Variants in OSBPL10 observed in about 807,000 individuals in gnomAD.
The protein encoded by OSBPL10 is oxysterol-binding protein-related protein 10.
In OSBPL10, 49 loss-of-function variants were observed where a neutral mutation model predicts 81.7. That is an observed-to-expected ratio of 0.60 (90% confidence interval 0.48 to 0.76). OSBPL10 has a LOEUF of 0.76. Among genes scored for constraint, OSBPL10 ranks in the 30% least tolerant of loss-of-function variants. OSBPL10 has a pLI of 0.00. For synonymous variants in OSBPL10, 419 were observed against 383.6 expected, an observed-to-expected ratio of 1.09 and a Z score of -1.08; for missense variants, 923 against 987.8, an observed-to-expected ratio of 0.93 and a Z score of 0.88.
intron 4 of OSBPL10, among the ~76,000 whole-genome samples, chr3:31,783,742 G>T (rs1232418700): frequency 1.6e-5 from 2 of 126,194 alleles, no homozygotes; most frequent in African/African-American, 3.0e-5. Context: ...AGTGAGCTGA[G>T]ATCACACCAC....
At chr3:31,951,525 A>T (rs1697868974) in intron 1 of OSBPL10, among the ~76,000 whole-genome samples, 1 of 151,950 alleles carries the variant, frequency 6.6e-6, no homozygotes, top group Non-Finnish European at 1.5e-5. Context: ...TGGTTATATT[A>T]TCCTTCCTAG....
At chr3:31,774,710 A>C (rs1698499874) in intron 4 of OSBPL10, among the ~76,000 whole-genome samples, 2 of 151,128 alleles carry the variant, frequency 1.3e-5, no homozygotes, top group African/African-American at 2.4e-5. Flanking sequence ...ACAGTGTTTC[A>C]CCATGTTGTC....
In OSBPL10 at chr3:31,706,438, A is replaced by C. The variant is rs546083410; in HGVS notation, c.1096-3930T>G. ...AGCCTCTTGAGGACCAAAGGCTGAG[A>C]CCATGTGAGAGATGGGGTCTTGGGC... On this transcript the variant is annotated intron_variant, in intron 6 of 11. Coordinates refer to ENST00000396556, the MANE Select transcript of OSBPL10 (RefSeq NM_017784.5). Among the ~76,000 whole-genome samples the C allele has an allele frequency of 5.3e-5, 8 of 152,158 alleles. No individual in the cohort carries two copies. In the East Asian group the frequency reaches 1.5e-3, roughly 29 times the overall value.
At chr3:31,871,599 A>C (rs1032564907) in intron 3 of OSBPL10, among the ~76,000 whole-genome samples, 4 of 152,210 alleles carry the variant, frequency 2.6e-5, no homozygotes, top group African/African-American at 9.6e-5. Flanking sequence ...AGCCAGGCTC[A>C]GTGGCTCATG....
At chr3:31,685,288 C>T (rs1026760011) in intron 7 of OSBPL10, among the ~76,000 whole-genome samples, 1 of 152,150 alleles carries the variant, frequency 6.6e-6, no homozygotes, top group Non-Finnish European at 1.5e-5. Flanking sequence ...CTGCAACCTC[C>T]ACCTCTTGGG....
chr3:31,795,804 G>A, intron 4 of OSBPL10: 1 of 244,056 alleles, frequency 4.1e-6, no homozygotes, highest in Non-Finnish European at 9.2e-6. Context: ...TTTACAAGAA[G>A]TCTCACTTCC....
Position 31,876,512 on chromosome 3 carries a change from G to C in OSBPL10, c.458C>G (p.Ala153Gly). 1 of 1,610,728 alleles carries C rather than the reference G, an allele frequency of 6.2e-7. No homozygotes were observed. The highest frequency in any genetic ancestry group is 8.5e-7 in the Non-Finnish European group (1 of 1,176,926). ...SANGEMFKLR[A>G]ADAKEKQFWV... ...GAATTGTTTCTCTTTTGCATCAGCA[G>C]CTAAAATAGAGAAAACAGAGAAAGA... is the stretch of plus-strand genomic sequence containing the variant. The change falls in exon 3 of 12, where the codon GCT (alanine) becomes GGT (glycine). Residue 153 changes from alanine (A) to glycine (G), a missense_variant and splice_region_variant. Physicochemically the swap from Ala to Gly is moderately conservative, Grantham distance 60 (BLOSUM62 0). Coordinates refer to ENST00000396556, the MANE Select transcript of OSBPL10 (RefSeq NM_017784.5).
At chr3:32,043,300 G>A (rs1019147446) in intron 2 of OSBPL10, among the ~76,000 whole-genome samples, 37 of 152,206 alleles carry the variant, frequency 2.4e-4, no homozygotes, top group African/African-American at 6.5e-4. Context: ...TATTTTGCCC[G>A]ACCCTGCAGG....
At chr3:31,746,603 G>A (rs573796157) in intron 5 of OSBPL10, among the ~76,000 whole-genome samples, 6 of 151,718 alleles carry the variant, frequency 4.0e-5, no homozygotes, top group South Asian at 4.2e-4. Flanking sequence ...GCTTGAACCC[G>A]GGAGGCAGAG....
intron 1 of OSBPL10, among the ~76,000 whole-genome samples, chr3:32,070,957 C>A (rs539847940): frequency 6.6e-6 from 1 of 152,356 alleles, no homozygotes; most frequent in East Asian, 1.9e-4. Flanking sequence ...CCTCCAGGGA[C>A]AGCCCTCATT....
At chr3:31,736,903 A>G (rs2085311) in intron 5 of OSBPL10, among the ~76,000 whole-genome samples, 63,947 of 152,052 alleles carry the variant, frequency 0.42, 13,982 homozygotes, top group East Asian at 0.71. Flanking sequence ...TCTTTAAACA[A>G]AACACTAGGG....
At chr3:31,732,993 G>C (rs938244629) in intron 6 of OSBPL10, 2 of 502,630 alleles carry the variant, frequency 4.0e-6, no homozygotes, top group Admixed American at 7.8e-5. Flanking sequence ...TCTCCCACTT[G>C]AAGTTAAAGT....
chr3:32,042,689 G>T (rs959159564), intron 2 of OSBPL10, among the ~76,000 whole-genome samples: 1 of 152,126 alleles, frequency 6.6e-6, no homozygotes, highest in African/African-American at 2.4e-5. Flanking sequence ...ATATCGGTAG[G>T]ACCGTGATGC....
chr3:31,772,976 C>T (rs1698424703), intron 4 of OSBPL10, among the ~76,000 whole-genome samples: 1 of 151,600 alleles, frequency 6.6e-6, no homozygotes, highest in Admixed American at 6.6e-5. Flanking sequence ...TTCACATTTC[C>T]TGATCCTGGG....
At chr3:31,771,785 G>C (rs556568931) in intron 4 of OSBPL10, among the ~76,000 whole-genome samples, 1 of 152,136 alleles carries the variant, frequency 6.6e-6, no homozygotes, top group Non-Finnish European at 1.5e-5. Flanking sequence ...GGAAAACTTC[G>C]TAATTTTGAG....
At chr3:31,922,401 C>T (rs1403236421) in intron 1 of OSBPL10, among the ~76,000 whole-genome samples, 1 of 152,068 alleles carries the variant, frequency 6.6e-6, no homozygotes, top group Admixed American at 6.5e-5. Flanking sequence ...GGCAGATCAC[C>T]TGAGGTCAGG....
At chr3:31,940,657 T>C (rs1002401671) in intron 1 of OSBPL10, among the ~76,000 whole-genome samples, 1 of 152,174 alleles carries the variant, frequency 6.6e-6, no homozygotes, top group African/African-American at 2.4e-5. Flanking sequence ...ACTGAAGTTC[T>C]TATCTTTTCC....
Position 31,683,716 on chromosome 3 carries a change from C to T in OSBPL10, c.1644G>A (p.Glu548=). Residue 548 remains glutamate (E), a synonymous_variant, in exon 8 of 12, where the codon GAG becomes GAA. Coordinates refer to ENST00000396556, the MANE Select transcript of OSBPL10 (RefSeq NM_017784.5). ...CATGAGTGTTGACGCACAGTCTCTT[C>T]TCCTCGCACTCACAGTAGAAGCAGG... ...PISCFYCECE[E]KRLCVNTHVW... 1 of 1,614,198 alleles carries T rather than the reference C, an allele frequency of 6.2e-7. No homozygotes were observed. Among genetic ancestry groups the T allele is most frequent in the Non-Finnish European group, 8.5e-7 (1 of 1,180,032 alleles).
chr3:31,879,930 C>CCA, intron 1 of OSBPL10, 100 bp from the exon 2 acceptor site: 1 of 1,255,404 alleles, frequency 8.0e-7, no homozygotes, highest in Middle Eastern at 2.8e-4. Context: ...CATCAAGACT[C>CCA]CACATCCATG....
Sources: gnomAD v4.1 joint callset for allele counts (sites outside exome capture counted in the v4.1 genomes callset) on GRCh38, gnomAD v4.1.1 for gene constraint, MANE v1.5 for transcripts, NCBI Gene and HGNC (gene_info 2026-07-23, HGNC 2026-07-21) for gene names.